LATS2: variants seen among roughly 807,000 people sequenced by gnomAD.
LATS2 encodes the protein large tumor suppressor kinase 2, also known as serine/threonine-protein kinase LATS2.
Under a neutral mutation model 76.0 loss-of-function variants are expected in LATS2, and 24 were observed. The ratio of observed to expected loss-of-function variants is 0.32; its 90% CI spans 0.23 to 0.44. The LOEUF (loss-of-function observed/expected upper bound fraction) is 0.44, where lower values mean the gene tolerates loss of function less well. Ranked by LOEUF, LATS2 falls within the 20% of genes least tolerant of loss-of-function variation. The pLI is 1.00. For synonymous variants in LATS2, 692 were observed against 635.4 expected (o/e 1.09, Z -1.34); for missense variants, 1,286 against 1,481.2 (o/e 0.87, Z 2.16).
At chr13:20,999,892 G>T (rs1870965541) in intron 2 of LATS2, among the ~76,000 whole-genome samples, 1 of 150,264 alleles carries the variant, frequency 6.7e-6, no homozygotes, top group Admixed American at 6.6e-5. Flanking sequence ...GCCAGGCGTG[G>T]TGGCACACAC....
intron 4 of LATS2, among the ~76,000 whole-genome samples, chr13:20,985,359 C>T (rs908990957): frequency 2.0e-5 from 3 of 152,196 alleles, no homozygotes; most frequent in African/African-American, 7.2e-5. Flanking sequence ...TATTCACAAA[C>T]TATTCATCTG....
chr13:21,023,434 C>T (rs1872152268), intron 2 of LATS2, among the ~76,000 whole-genome samples: 1 of 151,838 alleles, frequency 6.6e-6, no homozygotes. Flanking sequence ...TTGTAAGACA[C>T]CGTGTGGGTA....
chr13:21,007,582 TATATA>T (rs1871339754), intron 2 of LATS2, among the ~76,000 whole-genome samples: 1 of 19,872 alleles, frequency 5.0e-5, no homozygotes, highest in African/African-American at 3.8e-4. Flanking sequence ...TATATATATA[TATATA>T]GTATATATAT....
chr13:20,991,759 G>A lies in LATS2; in HGVS notation c.343-355C>T, dbSNP rs1434843435. The stretch of plus-strand genomic sequence containing the variant: ...GAACCTAAAACTAGAAACATTTAAG[G>A]GGAAGAACTGTGGGAGTCAGGGAAC... On this transcript the variant is annotated intron_variant, in intron 2 of 7. Transcript: ENST00000382592. The surrounding 1 kb of genome is among the most constrained non-coding windows in gnomAD (Gnocchi z 4.9). 3.3e-5 allele frequency among the ~76,000 whole-genome samples: 5 copies of A among 152,196 alleles called. No individual in the cohort carries two copies. Among genetic ancestry groups the A allele is most frequent in the African/African-American group, 1.2e-4 (5 of 41,454 alleles).
chr13:21,038,021 G>A (rs375213619), intron 2 of LATS2, among the ~76,000 whole-genome samples: 3 of 152,212 alleles, frequency 2.0e-5, no homozygotes, highest in East Asian at 1.9e-4. Context: ...TGGGTGGACC[G>A]CTTGAGCCCA....
At chr13:20,980,634 C>T (rs1365865209) in intron 6 of LATS2, among the ~76,000 whole-genome samples, 1 of 152,144 alleles carries the variant, frequency 6.6e-6, no homozygotes, top group Non-Finnish European at 1.5e-5. Context: ...GAATGCTGCA[C>T]GTGGTAGAGG....
chr13:21,056,955 C>G (rs887403325), intron 1 of LATS2, among the ~76,000 whole-genome samples: 1 of 152,062 alleles, frequency 6.6e-6, no homozygotes, highest in South Asian at 2.1e-4. Flanking sequence ...ACAAAACAGC[C>G]AAAAAATGTT....
chr13:20,988,421 C>A lies in LATS2; in HGVS notation c.1359G>T (p.Glu453Asp). The change falls in exon 4 of 8, where the codon GAG becomes GAT. Residue 453 changes from glutamate to aspartate, a missense_variant. By Grantham distance (45) the Glu-to-Asp change is conservative. Coordinates refer to ENST00000382592, the MANE Select transcript of LATS2 (RefSeq NM_014572.3). ...GCGAGGGCCCCACAGCCGTCTGCGG[C>A]TCCGGCCTCAGCACACGCACGCTCT... ...PVKSVRVLRP[E>D]PQTAVGPSHP... is the part of the protein sequence containing the mutation. 1 of 1,453,630 alleles carries A rather than the reference C, an allele frequency of 6.9e-7. No individual in the cohort carries two copies. Among genetic ancestry groups the A allele is most frequent in the East Asian group, 2.8e-5 (1 of 35,644 alleles). The allele number at this position is 1,453,630 out of a possible 1,614,324, so 90.0% of individuals were successfully genotyped here.
chr13:21,048,832 C>T (rs956348080), intron 1 of LATS2, among the ~76,000 whole-genome samples: 17 of 151,040 alleles, frequency 1.1e-4, no homozygotes, highest in African/African-American at 3.4e-4. Flanking sequence ...AGCGAAACTC[C>T]GTCTCAAAAA....
intron 1 of LATS2, among the ~76,000 whole-genome samples, chr13:21,058,023 G>A (rs1053658299): frequency 5.9e-5 from 9 of 152,190 alleles, no homozygotes; most frequent in Non-Finnish European, 8.8e-5. Context: ...TTTGAAGGCC[G>A]ATTCCTTCTA....
rs1452154404 is a variant in LATS2, at chr13:20,988,425, G to A, written c.1355C>T (p.Pro452Leu). 6.8e-7 allele frequency: 1 copy of A among 1,466,296 alleles called. No individual in the cohort carries two copies. The highest frequency in any genetic ancestry group is 9.0e-7 in the Non-Finnish European group (1 of 1,117,270). 90.8% of individuals were successfully genotyped at this position (1,466,296 alleles called of 1,614,324 possible). Residue 452 changes from proline (P) to leucine (L), a missense_variant, in exon 4 of 8, where the codon CCG becomes CTG. Pro to Leu is a moderately conservative substitution (Grantham distance 98). Around this residue, in one of 5 missense-constraint regions of LATS2, gnomAD observed 710 missense variants for 660.9 expected, o/e 1.07. Coordinates refer to ENST00000382592, the MANE Select transcript of LATS2 (RefSeq NM_014572.3). Reference protein sequence around the residue: ...HPVKSVRVLRPEPQTAVGPSH... With the variant: ...HPVKSVRVLRLEPQTAVGPSH... ...GGGCCCCACAGCCGTCTGCGGCTCC[G>A]GCCTCAGCACACGCACGCTCTTCAC...
In LATS2 at chr13:20,989,011, G is replaced by T; in HGVS notation, c.769C>A (p.His257Asn). 6.5e-7 allele frequency: 1 copy of T among 1,549,994 alleles called. No homozygotes were observed. Among genetic ancestry groups the T allele is most frequent in the Non-Finnish European group, 8.7e-7 (1 of 1,154,082 alleles). The change falls in exon 4 of 8, where the codon CAC becomes AAC. Residue 257 changes from histidine to asparagine, a missense_variant. His to Asn is a moderately conservative substitution (Grantham distance 68, BLOSUM62 1). Coordinates refer to ENST00000382592, the MANE Select transcript of LATS2 (RefSeq NM_014572.3). Reference protein sequence around the residue: ...PLQGAHYGRPHLLVPGEPLGY... With the variant: ...PLQGAHYGRPNLLVPGEPLGY... Reference sequence around the variant, plus strand: ...AGGGGTTCCCCAGGCACCAGCAGGTGCGGCCGCCCGTAGTGCGCGCCCTGC... The same window carrying T: ...AGGGGTTCCCCAGGCACCAGCAGGTTCGGCCGCCCGTAGTGCGCGCCCTGC...
rs534926444 is a variant in LATS2 at position 20,991,528 on chromosome 13, C to A, written c.343-124G>T. ...TCGCCTCTGTACTGCTGAGAACCTG[C>A]GATATGCTGCAGGAGACCCTCAGAA... On this transcript the variant is annotated intron_variant, in intron 2 of 7. Transcript: ENST00000382592. This position sits in a 1 kb window ranked among gnomAD's most constrained non-coding sequence, Gnocchi z 4.9. 3.1e-4 allele frequency: 339 copies of A among 1,076,814 alleles called. 2 individuals carry two copies. The highest frequency in any genetic ancestry group is 4.1e-4 in the Non-Finnish European group (306 of 745,020). 66.7% of individuals were successfully genotyped at this position (1,076,814 alleles called of 1,614,324 possible).
intron 2 of LATS2, among the ~76,000 whole-genome samples, chr13:21,002,062 C>A (rs936284357): frequency 1.3e-5 from 2 of 151,542 alleles, no homozygotes; most frequent in Non-Finnish European, 2.9e-5. Flanking sequence ...CACAGGTGCC[C>A]ACCACCATGC....
intron 2 of LATS2, among the ~76,000 whole-genome samples, chr13:21,029,781 ACT>A (rs1368433907): frequency 2.0e-5 from 3 of 150,962 alleles, no homozygotes; most frequent in Non-Finnish European, 4.4e-5. Context: ...ACAGAGCGAC[ACT>A]CTGTCTCAAA....
chr13:21,056,598 C>T (rs1397231630), intron 1 of LATS2, among the ~76,000 whole-genome samples: 1 of 152,148 alleles, frequency 6.6e-6, no homozygotes, highest in Non-Finnish European at 1.5e-5. Flanking sequence ...TTTCATAGCC[C>T]AGCAGGGGTT....
intron 2 of LATS2, among the ~76,000 whole-genome samples, chr13:20,998,373 T>TA (rs1870855101): frequency 1.4e-5 from 2 of 142,782 alleles, no homozygotes; most frequent in African/African-American, 5.0e-5. Context: ...AAACAAAAAT[T>TA]AATTAATTAA....
rs1350430702 is a variant in LATS2, at chr13:21,045,680, C to A, written c.342+5G>T. The A allele has an allele frequency of 6.2e-7, 1 of 1,610,122 alleles. No homozygotes were observed. The highest frequency in any genetic ancestry group is 1.7e-5 in the Admixed American group (1 of 59,868). The stretch of plus-strand genomic sequence containing the variant: ...GCACATGGCCCTGCAGAGGTCTGTA[C>A]CCACCTGGTCGCATCCTGCGTTCAC... On this transcript the variant is annotated splice_donor_5th_base_variant and intron_variant, in intron 2 of 7. Transcript: ENST00000382592.
chr13:21,050,227 G>A (rs73445506), intron 1 of LATS2, among the ~76,000 whole-genome samples: 1 of 151,680 alleles, frequency 6.6e-6, no homozygotes, highest in Non-Finnish European at 1.5e-5. Flanking sequence ...GGGGGTGGAG[G>A]GGGTAGGGGC....
Sources: allele counts gnomAD v4.1 joint callset (sites outside exome capture counted in the v4.1 genomes callset), GRCh38; gene constraint gnomAD v4.1.1; regional missense constraint gnomAD v4.1.1; non-coding constraint Gnocchi (gnomAD v3.1); transcripts MANE v1.5; gene names NCBI Gene and HGNC (gene_info 2026-07-23, HGNC 2026-07-21).